The following KCNIP4 variants were observed in gnomAD, a reference collection of about 807,000 sequenced individuals.
The protein encoded by KCNIP4 is potassium voltage-gated channel interacting protein 4.
KCNIP4 carries 12 observed loss-of-function variants against 34.0 expected under a neutral mutation model. That is an observed-to-expected ratio of 0.35 (90% confidence interval 0.23 to 0.57). The LOEUF is 0.57. Ranked by LOEUF, KCNIP4 falls within the 20% of genes least tolerant of loss-of-function variation. KCNIP4 has a pLI of 0.83. For synonymous variants in KCNIP4, 124 were observed against 102.2 expected, an observed-to-expected ratio of 1.21 and a Z score of -1.29; for missense variants, 238 against 311.7, an observed-to-expected ratio of 0.76 and a Z score of 1.78.
intron 1 of KCNIP4, among the ~76,000 whole-genome samples, chr4:21,063,279 T>C (rs558181591): frequency 3.3e-5 from 5 of 152,148 alleles, no homozygotes; most frequent in Non-Finnish European, 7.3e-5. Flanking sequence ...TGCAACTTTG[T>C]TATGGCTAGC....
intron 1 of KCNIP4, among the ~76,000 whole-genome samples, chr4:21,836,373 C>T (rs1723319025): frequency 6.6e-6 from 1 of 152,150 alleles, no homozygotes; most frequent in Admixed American, 6.5e-5. Context: ...AATTGCCTCT[C>T]CACTATCTGT....
intron 1 of KCNIP4, among the ~76,000 whole-genome samples, chr4:20,971,099 G>A (rs1734906272): frequency 6.6e-6 from 1 of 152,204 alleles, no homozygotes; most frequent in Non-Finnish European, 1.5e-5. Flanking sequence ...AGAAGGAGGA[G>A]CATTCATACT....
chr4:21,420,593 C>A (rs1253524335), intron 1 of KCNIP4, among the ~76,000 whole-genome samples: 1 of 152,204 alleles, frequency 6.6e-6, no homozygotes, highest in Non-Finnish European at 1.5e-5. Context: ...TGACACTCTA[C>A]CCTCTGTTTC....
intron 1 of KCNIP4, among the ~76,000 whole-genome samples, chr4:21,142,457 C>T (rs901923829): frequency 6.6e-5 from 10 of 152,252 alleles, no homozygotes; most frequent in African/African-American, 1.9e-4. Context: ...GCAGGACAGG[C>T]TTATGGCTAT....
intron 1 of KCNIP4, among the ~76,000 whole-genome samples, chr4:21,498,998 T>C (rs1252758929): frequency 6.6e-6 from 1 of 152,206 alleles, no homozygotes; most frequent in African/African-American, 2.4e-5. Flanking sequence ...TTGCTATTTA[T>C]GTACTAAAAT....
intron 1 of KCNIP4, among the ~76,000 whole-genome samples, chr4:21,296,147 T>C (rs1763828079): frequency 6.6e-6 from 1 of 152,172 alleles, no homozygotes; most frequent in Non-Finnish European, 1.5e-5. Context: ...AAAGTTCTTG[T>C]ACTCTAGTTT....
chr4:20,966,065 G>C (rs1435824237), intron 1 of KCNIP4, among the ~76,000 whole-genome samples: 1 of 152,176 alleles, frequency 6.6e-6, no homozygotes, highest in East Asian at 1.9e-4. Context: ...GTAATGTTTA[G>C]AAGTTTCTGC....
intron 1 of KCNIP4, among the ~76,000 whole-genome samples, chr4:21,868,042 G>A (rs889692386): frequency 6.6e-6 from 1 of 152,082 alleles, no homozygotes; most frequent in Non-Finnish European, 1.5e-5. Flanking sequence ...AATATTTGCC[G>A]ACCTAGAAGT....
chr4:21,027,460 T>G (rs977212912), intron 1 of KCNIP4, among the ~76,000 whole-genome samples: 1 of 151,540 alleles, frequency 6.6e-6, no homozygotes, highest in Non-Finnish European at 1.5e-5. Context: ...GGCAGGAGAG[T>G]CAGGGACGAA....
intron 1 of KCNIP4, among the ~76,000 whole-genome samples, chr4:21,142,055 G>A (rs207464377): frequency 6.6e-6 from 1 of 150,672 alleles, no homozygotes; most frequent in South Asian, 2.1e-4. Flanking sequence ...GGAGGCTGAG[G>A]CAGGAGAATC....
At chr4:20,944,340 G>A (rs527881843) in intron 1 of KCNIP4, among the ~76,000 whole-genome samples, 23 of 152,248 alleles carry the variant, frequency 1.5e-4, no homozygotes, top group African/African-American at 5.5e-4. Flanking sequence ...CCTTGAAAGG[G>A]ACTGGAGTTG....
intron 1 of KCNIP4, among the ~76,000 whole-genome samples, chr4:21,176,828 A>G (rs1336961680): frequency 6.6e-6 from 1 of 152,130 alleles, no homozygotes; most frequent in Non-Finnish European, 1.5e-5. Context: ...GCCTTGTTCT[A>G]GTAACACTAG....
chr4:21,669,558 C>A (rs981292025), intron 1 of KCNIP4, among the ~76,000 whole-genome samples: 1 of 152,092 alleles, frequency 6.6e-6, no homozygotes, highest in Non-Finnish European at 1.5e-5. Context: ...TTGGGGGAGT[C>A]AAAAGTTTTA....
At chr4:21,635,430 T>C (rs1009820807) in intron 1 of KCNIP4, among the ~76,000 whole-genome samples, 2 of 152,158 alleles carry the variant, frequency 1.3e-5, no homozygotes, top group African/African-American at 4.8e-5. Context: ...TGTTGGTTAA[T>C]TGGGTTTTTT....
intron 1 of KCNIP4, among the ~76,000 whole-genome samples, chr4:21,047,848 T>A (rs1007796076): frequency 2.0e-5 from 3 of 152,200 alleles, no homozygotes; most frequent in African/African-American, 7.2e-5. Flanking sequence ...TTAATTCAAA[T>A]CTCATCTTTA....
chr4:20,889,571 G>A (rs1725687486), intron 1 of KCNIP4, among the ~76,000 whole-genome samples: 2 of 151,850 alleles, frequency 1.3e-5, no homozygotes, highest in Admixed American at 1.3e-4. Context: ...TTATTTTTTT[G>A]TGCCATCAAA....
At chr4:21,670,443 G>T in intron 1 of KCNIP4, among the ~76,000 whole-genome samples, 1 of 116,050 alleles carries the variant, frequency 8.6e-6, no homozygotes, top group Non-Finnish European at 1.7e-5. Context: ...AGGGGGGAGG[G>T]ATAGCATTGG....
intron 4 of KCNIP4, among the ~76,000 whole-genome samples, chr4:20,756,478 T>C (rs922305526): frequency 2.6e-5 from 4 of 152,206 alleles, no homozygotes; most frequent in Admixed American, 2.6e-4. Context: ...TCCAGTCTTT[T>C]CTACATTAAA....
chr4:21,713,356 T>G (rs1043299651), intron 1 of KCNIP4, among the ~76,000 whole-genome samples: 1 of 152,182 alleles, frequency 6.6e-6, no homozygotes, highest in Non-Finnish European at 1.5e-5. Flanking sequence ...GCAAGGACCA[T>G]GGCACATCTT....
Sources: gnomAD v4.1 joint callset for allele counts (sites outside exome capture counted in the v4.1 genomes callset) on GRCh38, gnomAD v4.1.1 for gene constraint, MANE v1.5 for transcripts, NCBI Gene and HGNC (gene_info 2026-07-23, HGNC 2026-07-21) for gene names.